The following KCNH1 variants were observed in gnomAD, a reference collection of about 807,000 sequenced individuals.
The protein encoded by KCNH1 is potassium voltage-gated channel subfamily H member 1.
A neutral mutation model predicts 69.2 loss-of-function variants in KCNH1; 27 were observed. That is an observed-to-expected ratio of 0.39 (90% CI 0.29 to 0.54). KCNH1 has a LOEUF of 0.54. Ranked by LOEUF, KCNH1 falls within the 20% of genes least tolerant of loss-of-function variation. KCNH1 has a pLI of 0.68. For missense variants in KCNH1, 798 were observed against 1,261.6 expected (o/e 0.63, Z 5.57); for synonymous variants, 456 against 487.7 (o/e 0.93, Z 0.86).
chr1:210,846,613 C>A lies in KCNH1; in HGVS notation c.1463-42447G>T, dbSNP rs190860637. ...ATTAAAGACTTGCATGTTAGACCTACAACCATAAAAACCCTAGAAGAAAAC... is the reference window on the plus strand; with the variant it reads ...ATTAAAGACTTGCATGTTAGACCTAAAACCATAAAAACCCTAGAAGAAAAC... On this transcript the variant is annotated intron_variant, in intron 7 of 10. Transcript: ENST00000271751. Among the ~76,000 whole-genome samples, 287 of 152,256 alleles carry A rather than the reference C, an allele frequency of 1.9e-3. 1 individual carries two copies. Among genetic ancestry groups the A allele is most frequent in the African/African-American group, 6.4e-3 (264 of 41,550 alleles).
intron 5 of KCNH1, among the ~76,000 whole-genome samples, chr1:211,062,755 G>C (rs1690452234): frequency 6.6e-6 from 1 of 152,162 alleles, no homozygotes; most frequent in South Asian, 2.1e-4. Context: ...ATTACAATGA[G>C]ATATCATGTA....
chr1:211,113,066 T>C (rs545408207), intron 1 of KCNH1, among the ~76,000 whole-genome samples: 1 of 152,350 alleles, frequency 6.6e-6, no homozygotes, highest in African/African-American at 2.4e-5. Context: ...GGTACTGTTT[T>C]AAGTACTTTA....
intron 10 of KCNH1, among the ~76,000 whole-genome samples, chr1:210,748,239 T>A (rs1683205721): frequency 6.6e-6 from 1 of 152,150 alleles, no homozygotes; most frequent in Non-Finnish European, 1.5e-5. Flanking sequence ...GGATAGTGGG[T>A]ATCTGGGCTC....
chr1:210,710,224 A>G (rs1682033480), intron 10 of KCNH1, among the ~76,000 whole-genome samples: 1 of 151,752 alleles, frequency 6.6e-6, no homozygotes, highest in African/African-American at 2.4e-5. Context: ...AATATAAAAG[A>G]TAAAAAAAAT....
chr1:211,071,349 G>A (rs1690639067), intron 5 of KCNH1, among the ~76,000 whole-genome samples: 1 of 152,144 alleles, frequency 6.6e-6, no homozygotes, highest in Admixed American at 6.5e-5. Context: ...AAACATGCTA[G>A]AGATTCTTGA....
chr1:210,859,648 G>C (rs1262214256), intron 7 of KCNH1: 4 of 1,318,184 alleles, frequency 3.0e-6, no homozygotes, highest in Non-Finnish European at 1.1e-6. Context: ...CTTGTGTTCT[G>C]CATGGCAGGC....
chr1:210,715,164 A>G (rs1002902538), intron 10 of KCNH1, among the ~76,000 whole-genome samples: 1 of 152,192 alleles, frequency 6.6e-6, no homozygotes, highest in Non-Finnish European at 1.5e-5. Flanking sequence ...ATCTTCCATC[A>G]GGGGCAGAGA....
chr1:210,980,415 C>T (rs574176440), intron 6 of KCNH1, among the ~76,000 whole-genome samples: 1 of 152,276 alleles, frequency 6.6e-6, no homozygotes, highest in South Asian at 2.1e-4. Context: ...AGGAGATTTA[C>T]AGGCAGCATG....
At chr1:210,892,879 T>TA (rs1381908684) in intron 7 of KCNH1, among the ~76,000 whole-genome samples, 3 of 152,192 alleles carry the variant, frequency 2.0e-5, no homozygotes, top group Non-Finnish European at 4.4e-5. Context: ...TCAGTATATA[T>TA]AGTCCCTGCC....
chr1:211,126,167 C>A (rs1412679258), intron 1 of KCNH1, among the ~76,000 whole-genome samples: 2 of 150,032 alleles, frequency 1.3e-5, no homozygotes, highest in Non-Finnish European at 3.0e-5. Context: ...GAGTTCAAGA[C>A]CCCTCTGGAC....
intron 7 of KCNH1, chr1:210,861,929 G>T (rs927492316): frequency 3.9e-6 from 3 of 765,786 alleles, no homozygotes; most frequent in African/African-American, 1.7e-5. Flanking sequence ...GGATAATCAC[G>T]TTTGGTGATG....
At chr1:210,799,805 A>G (rs546413102) in intron 8 of KCNH1, among the ~76,000 whole-genome samples, 1 of 152,226 alleles carries the variant, frequency 6.6e-6, no homozygotes, top group South Asian at 2.1e-4. Context: ...AATTTGGAAG[A>G]CTTTCAGCCT....
At chr1:210,976,504 G>A (rs1688613357) in intron 6 of KCNH1, among the ~76,000 whole-genome samples, 1 of 147,120 alleles carries the variant, frequency 6.8e-6, no homozygotes. Context: ...CACTGTTGGT[G>A]GGACTGTAAA....
At chr1:210,715,551 C>T (rs1489961911) in intron 10 of KCNH1, among the ~76,000 whole-genome samples, 1 of 151,150 alleles carries the variant, frequency 6.6e-6, no homozygotes, top group African/African-American at 2.4e-5. Flanking sequence ...ATTAGTTTGG[C>T]TTGGTTCAAC....
At chr1:210,783,581 A>G (rs942405705) in intron 9 of KCNH1, among the ~76,000 whole-genome samples, 3 of 152,168 alleles carry the variant, frequency 2.0e-5, no homozygotes, top group Non-Finnish European at 2.9e-5. Flanking sequence ...AAAGAGAAAG[A>G]CCATGTTTGC....
At chr1:211,109,588 G>A (rs867235123) in intron 1 of KCNH1, among the ~76,000 whole-genome samples, 8 of 152,210 alleles carry the variant, frequency 5.3e-5, no homozygotes, top group Middle Eastern at 6.8e-3. Context: ...GCTTTATCAT[G>A]GCTAATGCTC....
At chr1:210,918,613 C>T (rs1028963947) in intron 7 of KCNH1, among the ~76,000 whole-genome samples, 3 of 152,176 alleles carry the variant, frequency 2.0e-5, no homozygotes, top group Non-Finnish European at 1.5e-5. Flanking sequence ...TCAATCAAAT[C>T]TAAGTATCTT....
At chr1:210,952,825 G>A (rs928654323) in intron 6 of KCNH1, among the ~76,000 whole-genome samples, 2 of 152,194 alleles carry the variant, frequency 1.3e-5, no homozygotes, top group Admixed American at 1.3e-4. Flanking sequence ...TATCATTCAG[G>A]TAAACTATCA....
At chr1:211,030,711 A>G (rs1343515990) in intron 5 of KCNH1, among the ~76,000 whole-genome samples, 5 of 152,182 alleles carry the variant, frequency 3.3e-5, no homozygotes. Context: ...CTGTTCTTAG[A>G]TTTGACACCA....
Sources: allele counts gnomAD v4.1 joint callset (sites outside exome capture counted in the v4.1 genomes callset), GRCh38; gene constraint gnomAD v4.1.1; transcripts MANE v1.5; gene names NCBI Gene and HGNC (gene_info 2026-07-23, HGNC 2026-07-21).